Variants in CSRNP3 observed in about 807,000 individuals in gnomAD.
CSRNP3 encodes cysteine/serine-rich nuclear protein 3.
In CSRNP3, 12 loss-of-function variants were observed where a neutral mutation model predicts 48.0. The observed-to-expected ratio is 0.25, with a 90% CI of 0.16 to 0.41. The LOEUF is 0.41. Ranked by LOEUF, CSRNP3 falls within the 10% of genes least tolerant of loss-of-function variation. The pLI, the probability that CSRNP3 is intolerant of heterozygous loss-of-function variation, is 1.00. For missense variants in CSRNP3, 580 were observed against 724.4 expected (o/e 0.80, Z 2.29); for synonymous variants, 263 against 269.7 (o/e 0.98, Z 0.24).
chr2:165,658,163 G>A (rs1043700504), intron 5 of CSRNP3, 143 bp downstream of exon 5: 16 of 886,704 alleles, frequency 1.8e-5, no homozygotes, highest in Admixed American at 8.7e-5. Flanking sequence ...AAAGCAAAAC[G>A]ATATAGTCTG....
chr2:165,639,822 G>C (rs1301843415), intron 4 of CSRNP3, among the ~76,000 whole-genome samples: 1 of 152,090 alleles, frequency 6.6e-6, no homozygotes, highest in East Asian at 1.9e-4. Flanking sequence ...ATCTTAGACT[G>C]TCTCTTACAG....
chr2:165,574,284 G>T, intron 3 of CSRNP3: 1 of 1,157,754 alleles, frequency 8.6e-7, no homozygotes. Flanking sequence ...AGGTCACAGG[G>T]CTGGTGGAAA....
intron 3 of CSRNP3, among the ~76,000 whole-genome samples, chr2:165,566,496 G>T (rs1270837516): frequency 6.6e-6 from 1 of 151,564 alleles, no homozygotes. Flanking sequence ...GGTTTCATCT[G>T]TAAAATGGAG....
intron 3 of CSRNP3, among the ~76,000 whole-genome samples, chr2:165,552,798 G>A (rs1478499324): frequency 2.6e-5 from 4 of 151,748 alleles, no homozygotes; most frequent in East Asian, 1.9e-4. Flanking sequence ...GGGTTCTAGC[G>A]ATCCTTCTGC....
At chr2:165,664,810 T>C (rs192858602) in intron 5 of CSRNP3, among the ~76,000 whole-genome samples, 78 of 152,326 alleles carry the variant, frequency 5.1e-4, no homozygotes, top group African/African-American at 1.7e-3. Context: ...TGATCAATTT[T>C]TTTTTGTTCT....
At chr2:165,574,261 G>A in intron 3 of CSRNP3, 1 of 855,494 alleles carries the variant, frequency 1.2e-6, no homozygotes, top group Non-Finnish European at 1.9e-6. Context: ...GGAGGGGGCA[G>A]AAGGGAGTTC....
intron 2 of CSRNP3, among the ~76,000 whole-genome samples, chr2:165,505,438 A>C (rs1267204521): frequency 1.3e-5 from 2 of 152,108 alleles, no homozygotes; most frequent in Non-Finnish European, 2.9e-5. Flanking sequence ...TATTCACTTT[A>C]TTTAAAAAAA....
chr2:165,662,521 G>A (rs1176862807), intron 5 of CSRNP3, among the ~76,000 whole-genome samples: 8 of 152,138 alleles, frequency 5.3e-5, no homozygotes, highest in Admixed American at 5.2e-4. Context: ...AGTAATCAAT[G>A]CAGTCATCTT....
intron 2 of CSRNP3, among the ~76,000 whole-genome samples, chr2:165,515,801 CTTTTT>C (rs532831528): frequency 4.7e-5 from 5 of 106,092 alleles, no homozygotes; most frequent in Admixed American, 1.1e-4. Context: ...CTTTTCCTTT[CTTTTT>C]TTTTTTTTTT....
intron 3 of CSRNP3, among the ~76,000 whole-genome samples, chr2:165,541,403 G>A (rs753985141): frequency 2.4e-4 from 37 of 151,970 alleles, no homozygotes; most frequent in East Asian, 1.6e-3. Context: ...TACAGAGGTC[G>A]TCCCATAGGA....
intron 1 of CSRNP3, among the ~76,000 whole-genome samples, chr2:165,492,155 G>A (rs948777131): frequency 6.6e-6 from 1 of 152,074 alleles, no homozygotes; most frequent in African/African-American, 2.4e-5. Context: ...GCTCATCGGA[G>A]CCACTGAATC....
intron 3 of CSRNP3, among the ~76,000 whole-genome samples, chr2:165,532,002 A>G (rs577191213): frequency 1.3e-5 from 2 of 152,338 alleles, no homozygotes; most frequent in Non-Finnish European, 2.9e-5. Flanking sequence ...TCCCAAGACG[A>G]AACCAGGAAG....
At chr2:165,576,160 AC>A (rs1210363254) in intron 3 of CSRNP3, among the ~76,000 whole-genome samples, 4 of 151,114 alleles carry the variant, frequency 2.6e-5, no homozygotes, top group African/African-American at 9.7e-5. Flanking sequence ...CATATGTGTA[AC>A]AATATATGTA....
chr2:165,647,911 T>A (rs1330526600), intron 4 of CSRNP3, among the ~76,000 whole-genome samples: 1 of 152,162 alleles, frequency 6.6e-6, no homozygotes, highest in Admixed American at 6.6e-5. Context: ...TAACAATATT[T>A]TCAACTTACA....
In CSRNP3 at chr2:165,595,026, T is replaced by G; in HGVS notation, c.-23-17T>G. 1 of 1,608,246 alleles carries G rather than the reference T, an allele frequency of 6.2e-7. No individual in the cohort carries two copies. The highest frequency in any genetic ancestry group is 8.5e-7 in the Non-Finnish European group (1 of 1,176,082). ...GTCAAATATTTCAATGCTCTGTTGC[T>G]CTCCTTCCTGTTACAGGTACATGTG... On this transcript the variant is annotated splice_polypyrimidine_tract_variant and intron_variant, in intron 3 of 6. Transcript: ENST00000651982.
intron 4 of CSRNP3, among the ~76,000 whole-genome samples, chr2:165,612,524 C>T (rs913799250): frequency 2.0e-5 from 3 of 151,864 alleles, no homozygotes; most frequent in African/African-American, 4.8e-5. Flanking sequence ...ATTTATTTCT[C>T]CCATCTAGCT....
intron 3 of CSRNP3, among the ~76,000 whole-genome samples, chr2:165,543,162 G>A (rs1684980427): frequency 6.6e-6 from 1 of 152,112 alleles, no homozygotes; most frequent in Non-Finnish European, 1.5e-5. Flanking sequence ...TACTAGACCA[G>A]GTTGCCTCAT....
intron 6 of CSRNP3, among the ~76,000 whole-genome samples, chr2:165,678,212 G>A (rs1051254559): frequency 2.6e-5 from 4 of 152,246 alleles, no homozygotes; most frequent in Admixed American, 2.0e-4. Flanking sequence ...ATAAGCAAAA[G>A]CAAAAGGAAA....
At chr2:165,665,775 A>AAGAAAG (rs1553484196) in intron 5 of CSRNP3, among the ~76,000 whole-genome samples, 23 of 131,196 alleles carry the variant, frequency 1.8e-4, no homozygotes, top group Non-Finnish European at 3.3e-4. Flanking sequence ...AAAAGAAAGA[A>AAGAAAG]AGAGAGAGAG....
Sources: gnomAD v4.1 joint callset for allele counts (sites outside exome capture counted in the v4.1 genomes callset) on GRCh38, gnomAD v4.1.1 for gene constraint, MANE v1.5 for transcripts, NCBI Gene and HGNC (gene_info 2026-07-23, HGNC 2026-07-21) for gene names.